Variants in SETD5 observed in about 807,000 individuals in gnomAD.
The protein encoded by SETD5 is histone-lysine N-methyltransferase SETD5.
A neutral mutation model predicts 153.3 loss-of-function variants in SETD5; 44 were observed. The ratio of observed to expected loss-of-function variants is 0.29; its 90% CI spans 0.23 to 0.37. The LOEUF (loss-of-function observed/expected upper bound fraction) is 0.37, where lower values mean the gene tolerates loss of function less well. SETD5 is among the 10% of genes least tolerant of loss of function. The pLI is 1.00. For synonymous variants in SETD5, 716 were observed against 645.2 expected, an observed-to-expected ratio of 1.11 and a Z score of -1.66; for missense variants, 1,544 against 1,768.0, an observed-to-expected ratio of 0.87 and a Z score of 2.27.
At chr3:9,407,860 C>T (rs1414258641) in intron 1 of SETD5, among the ~76,000 whole-genome samples, 2 of 152,100 alleles carry the variant, frequency 1.3e-5, no homozygotes, top group East Asian at 3.9e-4. Flanking sequence ...ATTAGCTGGG[C>T]GTGGTGGCGC....
intron 18 of SETD5, 93 bp downstream of exon 18, chr3:9,464,765 T>C (rs1236801290): frequency 1.1e-5 from 18 of 1,583,826 alleles, no homozygotes; most frequent in Non-Finnish European, 1.5e-5. Context: ...AATGTTTCTT[T>C]ACTATCTTTC....
intron 17 of SETD5, among the ~76,000 whole-genome samples, chr3:9,456,976 AAAAGAAAG>A (rs752632987): frequency 5.9e-5 from 9 of 151,734 alleles, no homozygotes; most frequent in East Asian, 1.9e-4. Context: ...CTCCGTCTCA[AAAAGAAAG>A]AAAGAAAGAA....
chr3:9,457,828 ATTTC>A (rs1236921414), intron 17 of SETD5, among the ~76,000 whole-genome samples: 1 of 149,536 alleles, frequency 6.7e-6, no homozygotes, highest in Non-Finnish European at 1.5e-5. Flanking sequence ...GTATATATAT[ATTTC>A]TTTCTCTTTC....
At chr3:9,446,712 C>T (rs2042058531) in intron 13 of SETD5, among the ~76,000 whole-genome samples, 1 of 152,090 alleles carries the variant, frequency 6.6e-6, no homozygotes, top group Non-Finnish European at 1.5e-5. Context: ...ACGACGGTCT[C>T]AATCTCCCGA....
At chr3:9,454,547 G>C (rs1352082773) in intron 17 of SETD5, among the ~76,000 whole-genome samples, 1 of 146,800 alleles carries the variant, frequency 6.8e-6, no homozygotes, top group South Asian at 2.1e-4. Context: ...ACTTGAACCC[G>C]GGAGGTGGAG....
intron 16 of SETD5, among the ~76,000 whole-genome samples, chr3:9,451,695 C>G (rs1486864802): frequency 6.6e-6 from 1 of 152,184 alleles, no homozygotes; most frequent in African/African-American, 2.4e-5. Flanking sequence ...GTCTGCCCAC[C>G]TTGGCCTCAC....
intron 18 of SETD5, 124 bp downstream of exon 18, chr3:9,464,796 A>G: frequency 6.7e-7 from 1 of 1,490,164 alleles, no homozygotes; most frequent in Admixed American, 1.8e-5. Context: ...CAGTAAGAGA[A>G]TGGGAAACCT....
chr3:9,409,329 C>A (rs1015891837), intron 1 of SETD5, among the ~76,000 whole-genome samples: 5 of 152,058 alleles, frequency 3.3e-5, no homozygotes, highest in African/African-American at 1.2e-4. Flanking sequence ...GGGTTTTTTA[C>A]CCCCTTATTT....
At chr3:9,436,923 T>G (rs201233640) in intron 7 of SETD5, 11 of 1,543,370 alleles carry the variant, frequency 7.1e-6, no homozygotes, top group Non-Finnish European at 9.6e-6. Flanking sequence ...TGTGTTTTAC[T>G]TCACTGTGAT....
chr3:9,444,528 GA>G (rs1368932877), intron 11 of SETD5, among the ~76,000 whole-genome samples: 1 of 150,958 alleles, frequency 6.6e-6, no homozygotes, highest in Non-Finnish European at 1.5e-5. Flanking sequence ...TGAATTTAGG[GA>G]GGGCTTTCTT....
intron 1 of SETD5, among the ~76,000 whole-genome samples, chr3:9,411,200 A>G (rs957146074): frequency 6.6e-6 from 1 of 152,108 alleles, no homozygotes; most frequent in African/African-American, 2.4e-5. Context: ...TTTCAGGTAC[A>G]CTTGGGACAC....
intron 18 of SETD5, among the ~76,000 whole-genome samples, chr3:9,466,174 G>C (rs2044542871): frequency 6.6e-6 from 1 of 151,352 alleles, no homozygotes; most frequent in African/African-American, 2.4e-5. Flanking sequence ...TGTAGTCCCA[G>C]CTACTCGGGA....
chr3:9,428,809 C>T lies in SETD5; in HGVS notation c.-116-14C>T. ...GGTATTTATTTTACTAGATATTTTC[C>T]TTTTCTGTTACAGGATTCCTCATGT... On this transcript the variant is annotated splice_polypyrimidine_tract_variant and intron_variant, in intron 2 of 22. Coordinates refer to ENST00000402198, the MANE Select transcript of SETD5 (RefSeq NM_001080517.3). 2.1e-6 allele frequency: 1 copy of T among 487,788 alleles called. No homozygotes were observed. The highest frequency in any genetic ancestry group is 3.3e-5 in the East Asian group (1 of 30,206). 30.2% of individuals were successfully genotyped at this position (487,788 alleles called of 1,614,324 possible).
intron 3 of SETD5, chr3:9,431,740 C>T (rs1322669246): frequency 4.1e-6 from 4 of 985,136 alleles, no homozygotes; most frequent in Admixed American, 6.2e-5. Context: ...TTCATATTTA[C>T]CCGTTTGGAG....
intron 1 of SETD5, among the ~76,000 whole-genome samples, chr3:9,415,838 C>T (rs990766644): frequency 6.6e-6 from 1 of 150,692 alleles, no homozygotes; most frequent in Non-Finnish European, 1.5e-5. Context: ...CGCTAGGATA[C>T]AGGTGTGAGC....
At chr3:9,429,879 T>C in intron 3 of SETD5, 1 of 1,303,934 alleles carries the variant, frequency 7.7e-7, no homozygotes, top group Non-Finnish European at 1.0e-6. Flanking sequence ...TACACCAGGA[T>C]GTGAAAGTCC....
intron 18 of SETD5, among the ~76,000 whole-genome samples, chr3:9,468,151 G>C (rs996008328): frequency 2.0e-5 from 3 of 151,502 alleles, no homozygotes; most frequent in African/African-American, 7.3e-5. Flanking sequence ...ATAAGGGGTA[G>C]GGTGCCCCTC....
chr3:9,429,087 A>C (rs2039652401), intron 3 of SETD5, 78 bp downstream of exon 3: 2 of 950,278 alleles, frequency 2.1e-6, no homozygotes, highest in Non-Finnish European at 3.3e-6. Flanking sequence ...CTAATAGGAT[A>C]ATATGTAGTA....
chr3:9,424,422 A>G (rs1179564559), intron 1 of SETD5, 45 bp from the exon 2 acceptor site: 2 of 152,204 alleles, frequency 1.3e-5, no homozygotes, highest in Non-Finnish European at 2.9e-5. Flanking sequence ...TGTGTTCATC[A>G]ATGTTATTTC....
Sources: gnomAD v4.1 joint callset for allele counts (sites outside exome capture counted in the v4.1 genomes callset) on GRCh38, gnomAD v4.1.1 for gene constraint, MANE v1.5 for transcripts, NCBI Gene and HGNC (gene_info 2026-07-23, HGNC 2026-07-21) for gene names.